Variants in BAG2 observed in about 807,000 individuals in gnomAD.
BAG2 encodes the protein BAG family molecular chaperone regulator 2.
Under a neutral mutation model 16.4 loss-of-function variants are expected in BAG2, and 8 were observed. That is an observed-to-expected ratio of 0.49 (90% CI 0.29 to 0.88). The LOEUF is 0.88. Among genes scored for constraint, BAG2 ranks in the 40% least tolerant of loss-of-function variants. The pLI is 0.09. For synonymous variants in BAG2, 82 were observed against 89.2 expected, an observed-to-expected ratio of 0.92 and a Z score of 0.46; for missense variants, 218 against 248.9, an observed-to-expected ratio of 0.88 and a Z score of 0.84.
At position 57,173,228 on chromosome 6, in the gene BAG2, A is replaced by AT. The variant is rs1270073271; in HGVS notation, c.113+424dup. ...TTTTAACTTACTCTTCTCGTTATGC[A>AT]TTTTTTAAGGGAGGCAGCAGTTTAC... On this transcript the variant is annotated intron_variant, in intron 1 of 2. Coordinates refer to ENST00000370693, the MANE Select transcript of BAG2 (RefSeq NM_004282.4). The AT allele has an allele frequency of 1.2e-5, 12 of 987,358 alleles. No individual in the cohort carries two copies. In the African/African-American group the frequency reaches 1.7e-4, roughly 14 times the overall value. 61.2% of individuals were successfully genotyped at this position (987,358 alleles called of 1,614,324 possible).
intron 1 of BAG2, among the ~76,000 whole-genome samples, chr6:57,175,154 G>T (rs184234930): frequency 6.6e-6 from 1 of 152,256 alleles, no homozygotes; most frequent in Admixed American, 6.5e-5. Context: ...TTGACGATCA[G>T]TTCTAAATGG....
chr6:57,172,650 C>G lies in BAG2; in HGVS notation c.-48C>G, dbSNP rs375792946. 1.4e-6 allele frequency: 2 copies of G among 1,418,640 alleles called. No homozygotes were observed. The highest frequency in any genetic ancestry group is 1.4e-5 in the South Asian group (1 of 71,246). 87.9% of individuals were successfully genotyped at this position (1,418,640 alleles called of 1,614,324 possible). A position where few individuals can be genotyped will look rare whatever the true frequency, so the allele number is the denominator to read the frequency against. On this transcript the variant is annotated 5_prime_UTR_variant, in exon 1 of 3. Transcript: ENST00000370693. ...GCCCAAGGAGCGCTCCACTCGCTGCCGCCGGAGGGGCCGGTGACCTCTTGG... is the reference window on the plus strand; with the variant it reads ...GCCCAAGGAGCGCTCCACTCGCTGCGGCCGGAGGGGCCGGTGACCTCTTGG...
chr6:57,172,460 A>G lies in BAG2; in HGVS notation c.-238A>G, dbSNP rs1764147996. 3 of 341,392 alleles carry G rather than the reference A, an allele frequency of 8.8e-6. No individual in the cohort carries two copies. The highest frequency in any genetic ancestry group is 1.1e-5 in the Non-Finnish European group (2 of 187,008). 21.1% of individuals were successfully genotyped at this position (341,392 alleles called of 1,614,324 possible). The stretch of plus-strand genomic sequence containing the variant: ...GTGTGGCTCGCGAACCTCTAACTCC[A>G]GCCGCTGCAGCCCCCTCCCAGGCCC... On this transcript the variant is annotated 5_prime_UTR_variant, in exon 1 of 3. Coordinates refer to ENST00000370693, the MANE Select transcript of BAG2 (RefSeq NM_004282.4).
Position 57,185,203 on chromosome 6 carries a change from T to C in BAG2, c.*1013T>C, listed in dbSNP as rs1041909144. ...CTTTTTTCAGTAATTAAAATATAGC[T>C]ATTTCACTGAAATATTTCCAGCACT... On this transcript the variant is annotated 3_prime_UTR_variant, in exon 3 of 3. Coordinates refer to ENST00000370693, the MANE Select transcript of BAG2 (RefSeq NM_004282.4). The C allele has an allele frequency of 1.3e-5, 2 of 152,240 alleles. No homozygotes were observed. Among genetic ancestry groups the C allele is most frequent in the Admixed American group, 1.3e-4 (2 of 15,284 alleles). 9.4% of individuals were successfully genotyped at this position (152,240 alleles called of 1,614,324 possible). A position where few individuals can be genotyped will look rare whatever the true frequency, so the allele number is the denominator to read the frequency against.
intron 1 of BAG2, among the ~76,000 whole-genome samples, chr6:57,178,794 G>A (rs939177337): frequency 1.3e-5 from 2 of 152,030 alleles, no homozygotes; most frequent in African/African-American, 4.8e-5. Context: ...TGGGGGTGGG[G>A]GAGGGTCCCT....
Position 57,172,654 on chromosome 6 carries a change from G to A in BAG2, c.-44G>A, listed in dbSNP as rs979564719. The A allele has an allele frequency of 2.2e-5, 31 of 1,427,472 alleles. No individual in the cohort carries two copies. Among genetic ancestry groups the A allele is most frequent in the Non-Finnish European group, 2.7e-5 (29 of 1,074,584 alleles). The allele number at this position is 1,427,472 out of a possible 1,614,324, so 88.4% of individuals were successfully genotyped here. On this transcript the variant is annotated 5_prime_UTR_variant, in exon 1 of 3. Coordinates refer to ENST00000370693, the MANE Select transcript of BAG2 (RefSeq NM_004282.4). ...AAGGAGCGCTCCACTCGCTGCCGCC[G>A]GAGGGGCCGGTGACCTCTTGGCTAC...
At chr6:57,179,508 T>C (rs923850004) in intron 1 of BAG2, among the ~76,000 whole-genome samples, 10 of 152,124 alleles carry the variant, frequency 6.6e-5, no homozygotes, top group African/African-American at 1.2e-4. Context: ...TTTTATGGAA[T>C]TGAACGTGCT....
chr6:57,175,919 C>T (rs562655885), intron 1 of BAG2, among the ~76,000 whole-genome samples: 20 of 152,288 alleles, frequency 1.3e-4, no homozygotes, highest in Non-Finnish European at 7.3e-5. Flanking sequence ...GCCAGTTGGT[C>T]AGAAGTTCTG....
chr6:57,189,180 A>C lies in BAG2; in HGVS notation c.*4990A>C, dbSNP rs954191542. On this transcript the variant is annotated 3_prime_UTR_variant, in exon 3 of 3. Transcript: ENST00000370693. ...AATTTATGTCCTGACACATGATTAC[A>C]TATTAAATCATTTTGTAAAAGAAAT... The C allele has an allele frequency of 2.0e-5, 3 of 152,204 alleles. No individual in the cohort carries two copies. The highest frequency in any genetic ancestry group is 2.0e-4 in the Admixed American group (3 of 15,272). The allele number at this position is 152,204 out of a possible 1,614,324, so 9.4% of individuals were successfully genotyped here.
intron 1 of BAG2, among the ~76,000 whole-genome samples, chr6:57,175,319 T>A (rs1298317220): frequency 6.6e-6 from 1 of 152,194 alleles, no homozygotes; most frequent in East Asian, 1.9e-4. Flanking sequence ...CCCATAACCC[T>A]TGTTACAGTC....
Position 57,184,051 on chromosome 6 carries a change from A to G in BAG2, c.497A>G (p.Asp166Gly). The change falls in exon 3 of 3, where the codon GAT (aspartate) becomes GGT (glycine). Residue 166 changes from aspartate to glycine, a missense_variant. Physicochemically the swap from Asp to Gly is moderately conservative, Grantham distance 94 (BLOSUM62 -1). Coordinates refer to ENST00000370693, the MANE Select transcript of BAG2 (RefSeq NM_004282.4). ...ATAGTAATTGGCTGTGCTCTTGAAG[A>G]TCAGAAGAAAATTAAGAGAAGATTA... The part of the protein sequence containing the change: ...QSIVIGCALE[D>G]QKKIKRRLET... 1 of 1,612,312 alleles carries G rather than the reference A, an allele frequency of 6.2e-7. No individual in the cohort carries two copies. The highest frequency in any genetic ancestry group is 8.5e-7 in the Non-Finnish European group (1 of 1,179,642).
At chr6:57,180,748 C>G (rs1464434945) in intron 1 of BAG2, among the ~76,000 whole-genome samples, 3 of 141,934 alleles carry the variant, frequency 2.1e-5, no homozygotes, top group Non-Finnish European at 4.6e-5. Flanking sequence ...GTCAAAACTT[C>G]AAAAGCATAC....
chr6:57,179,473 T>C (rs1186789501), intron 1 of BAG2, among the ~76,000 whole-genome samples: 1 of 152,190 alleles, frequency 6.6e-6, no homozygotes, highest in African/African-American at 2.4e-5. Context: ...AAGGCATGTG[T>C]GTGCTTAGGG....
rs1172871499 is a variant in BAG2, at chr6:57,189,108, A to C, written c.*4918A>C. On this transcript the variant is annotated 3_prime_UTR_variant, in exon 3 of 3. Transcript: ENST00000370693. The stretch of plus-strand genomic sequence containing the variant: ...GATGAGTGATAATCAGTTTTAACAG[A>C]GTTCACGCAATTATCTTAGCTGGAA... 1.3e-5 allele frequency: 2 copies of C among 152,232 alleles called. No individual in the cohort carries two copies. Among genetic ancestry groups the C allele is most frequent in the Non-Finnish European group, 2.9e-5 (2 of 68,034 alleles). The allele number at this position is 152,232 out of a possible 1,614,324, so 9.4% of individuals were successfully genotyped here. A position where few individuals can be genotyped will look rare whatever the true frequency, so the allele number is the denominator to read the frequency against.
In BAG2 at chr6:57,172,817, TC is replaced by T. The variant is rs770053873; in HGVS notation, c.113+9del. 6.6e-6 allele frequency: 10 copies of T among 1,512,130 alleles called. No individual in the cohort carries two copies. In the East Asian group the frequency reaches 2.7e-4, roughly 41 times the overall value. The allele number at this position is 1,512,130 out of a possible 1,614,324, so 93.7% of individuals were successfully genotyped here. Reference sequence around the variant, plus strand: ...TGGACCAGCTGGAGCTCAGGTGAGCTCCGGGCGGGCGGTCTCGGGCGTTCTG... The same window carrying T: ...TGGACCAGCTGGAGCTCAGGTGAGCTCGGGCGGGCGGTCTCGGGCGTTCTG... On this transcript the variant is annotated splice_region_variant and intron_variant, in intron 1 of 2. Transcript: ENST00000370693.
In BAG2 at chr6:57,177,906, C is replaced by G. The variant is rs533847220; in HGVS notation, c.114-4126C>G. 4.6e-5 allele frequency among the ~76,000 whole-genome samples: 7 copies of G among 152,326 alleles called. No homozygotes were observed. In the East Asian group the frequency reaches 1.3e-3, roughly 29 times the overall value. On this transcript the variant is annotated intron_variant, in intron 1 of 2. Coordinates refer to ENST00000370693, the MANE Select transcript of BAG2 (RefSeq NM_004282.4). ...CAGAGGTTTGTGAGGTGCCCAAGAC[C>G]TGGGTACTAGCTGAGGATGCATGCG...
At position 57,187,462 on chromosome 6, in the gene BAG2, T is replaced by G. The variant is rs1764645656; in HGVS notation, c.*3272T>G. ...ACATTCTTAACAGTTAAAAACTGAG[T>G]AAGTCCTGTTCATTAGGTAGGTGCC... On this transcript the variant is annotated 3_prime_UTR_variant, in exon 3 of 3. Transcript: ENST00000370693. 6.6e-6 allele frequency: 1 copy of G among 152,182 alleles called. No homozygotes were observed. The highest frequency in any genetic ancestry group is 1.5e-5 in the Non-Finnish European group (1 of 68,024). The allele number at this position is 152,182 out of a possible 1,614,324, so 9.4% of individuals were successfully genotyped here. A position where few individuals can be genotyped will look rare whatever the true frequency, so the allele number is the denominator to read the frequency against.
rs1764676597 is a variant in BAG2 at position 57,188,042 on chromosome 6, G to A, written c.*3852G>A. ...TGAAATATGGCAGTTATTCCACAGC[G>A]ATATGTCTACGCAAAAGATTAGCCG... On this transcript the variant is annotated 3_prime_UTR_variant, in exon 3 of 3. Transcript: ENST00000370693. 6.6e-6 allele frequency: 1 copy of A among 152,118 alleles called. No individual in the cohort carries two copies. The highest frequency in any genetic ancestry group is 1.5e-5 in the Non-Finnish European group (1 of 68,018). 9.4% of individuals were successfully genotyped at this position (152,118 alleles called of 1,614,324 possible). A position where few individuals can be genotyped will look rare whatever the true frequency, so the allele number is the denominator to read the frequency against.
intron 1 of BAG2, among the ~76,000 whole-genome samples, chr6:57,175,549 A>T (rs1764257262): frequency 6.6e-6 from 1 of 152,234 alleles, no homozygotes; most frequent in Admixed American, 6.5e-5. Flanking sequence ...GCCAAGAAGA[A>T]TCTGAATAGA....
Sources: gnomAD v4.1 joint callset for allele counts (sites outside exome capture counted in the v4.1 genomes callset) on GRCh38, gnomAD v4.1.1 for gene constraint, MANE v1.5 for transcripts, NCBI Gene and HGNC (gene_info 2026-07-23, HGNC 2026-07-21) for gene names.